The following NEB variants were observed in gnomAD, a reference collection of about 807,000 sequenced individuals.
NEB encodes the protein nemaline myopathy type 2.
NEB carries 512 observed loss-of-function variants against 952.2 expected under a neutral mutation model. The observed-to-expected ratio is 0.54, with a 90% CI of 0.50 to 0.58. The LOEUF (loss-of-function observed/expected upper bound fraction) is 0.58, where lower values mean the gene tolerates loss of function less well. Among genes scored for constraint, NEB ranks in the 20% least tolerant of loss-of-function variants. The probability of loss-of-function intolerance (pLI) is 0.00; values close to 1 mark genes in which losing one functional copy is unlikely to be tolerated. For synonymous variants in NEB, 2,900 were observed against 3,149.8 expected, an observed-to-expected ratio of 0.92 and a Z score of 2.66; for missense variants, 8,428 against 9,231.1, an observed-to-expected ratio of 0.91 and a Z score of 3.56.
intron 63 of NEB, among the ~76,000 whole-genome samples, chr2:151,638,670 C>A (rs777879255): frequency 2.0e-5 from 3 of 152,154 alleles, no homozygotes; most frequent in African/African-American, 7.2e-5. Flanking sequence ...GGGAGGGGTA[C>A]CTTTGCACTA....
At position 151,526,971 on chromosome 2, in the gene NEB, T is replaced by A. The variant is rs531618541; in HGVS notation, c.21892A>T (p.Thr7298Ser). The change falls in exon 148 of 182, where the codon ACT (threonine) becomes TCT (serine). Residue 7298 changes from threonine to serine, a missense_variant. By Grantham distance (58) the Thr-to-Ser change is moderately conservative. Transcript: ENST00000397345. ...GCGAGCACCGTGTTTTTGTCATCAG[T>A]GACAGAAAGCTTGCAACCCTTGAGG... ...EFLKGCKLSV[T>S]DDKNTVLALR... 142 of 1,604,736 alleles carry A rather than the reference T, an allele frequency of 8.8e-5. No individual in the cohort carries two copies. The highest frequency in any genetic ancestry group is 1.1e-4 in the Non-Finnish European group (134 of 1,175,016).
intron 88 of NEB, among the ~76,000 whole-genome samples, chr2:151,601,121 T>C (rs1409295731): frequency 4.7e-5 from 6 of 128,778 alleles, no homozygotes; most frequent in African/African-American, 1.9e-4. Context: ...TTTTTTTTTT[T>C]TTTTGAGACA....
At chr2:151,669,216 G>C (rs747691417) in intron 38 of NEB, 85 bp from the exon 39 acceptor site, 17 of 948,092 alleles carry the variant, frequency 1.8e-5, no homozygotes, top group South Asian at 1.2e-4. Flanking sequence ...AAAACGGAAG[G>C]CTATCATTTG....
At position 151,642,587 on chromosome 2, in the gene NEB, T is replaced by C. The variant is rs755252426; in HGVS notation, c.8360A>G (p.Asp2787Gly). 1.9e-6 allele frequency: 3 copies of C among 1,611,538 alleles called. No individual in the cohort carries two copies. Among genetic ancestry groups the C allele is most frequent in the African/African-American group, 2.7e-5 (2 of 74,870 alleles). ...AAGTATACTTACTTCACTTGCAATATCTCTGGAGGCCTTGGCTGCCTTGAT... is the reference window on the plus strand; with the variant it reads ...AAGTATACTTACTTCACTTGCAATACCTCTGGAGGCCTTGGCTGCCTTGAT... ...IPIKAAKASR[D>G]IASEFKYKEG... Residue 2787 changes from aspartate to glycine, a missense_variant, in exon 60 of 182, where the codon GAT becomes GGT. Around this residue, in one of 11 missense-constraint regions of NEB, gnomAD observed 1,772 missense variants for 1,960.3 expected, o/e 0.90. Coordinates refer to ENST00000397345, the MANE Select transcript of NEB (RefSeq NM_001164508.2).
chr2:151,641,752 TAG>T (rs1434083998), intron 60 of NEB, among the ~76,000 whole-genome samples: 1 of 152,222 alleles, frequency 6.6e-6, no homozygotes, highest in Non-Finnish European at 1.5e-5. Context: ...GAAAAAAATC[TAG>T]AGTTTTTTTT....
chr2:151,630,818 C>T lies in NEB; in HGVS notation c.9620G>A (p.Arg3207His), dbSNP rs111841612. ...AKNNALNMNK[R>H]LYTEAWDKDK... ...TTTGTCCCAGGCCTCTGTGTATAAA[C>T]GCTATAAAAGAAGATAAGATGCTGA... Residue 3207 changes from arginine (R) to histidine (H), a missense_variant and splice_region_variant, in exon 67 of 182, where the codon CGT becomes CAT. Arg to His is a conservative substitution (Grantham distance 29, BLOSUM62 0). Coordinates refer to ENST00000397345, the MANE Select transcript of NEB (RefSeq NM_001164508.2). 2.0e-4 allele frequency: 313 copies of T among 1,587,284 alleles called. 1 individual carries two copies. The Middle Eastern group carries it at 3.0e-3, about 15-fold the overall frequency.
intron 162 of NEB, 45 bp from the exon 163 acceptor site, chr2:151,507,058 T>G: frequency 8.4e-7 from 1 of 1,189,876 alleles, no homozygotes; most frequent in Non-Finnish European, 1.2e-6. Flanking sequence ...CAACATTGCT[T>G]TGTTTTCTTT....
rs2055606963 is a variant in NEB at position 151,490,574 on chromosome 2, A to G, written c.25151-56T>C. On this transcript the variant is annotated intron_variant, in intron 179 of 181. Transcript: ENST00000397345. Reference sequence around the variant, plus strand: ...CAAACATGAAATTTCTATGGTAGTAATGCCTAACAGTGATTGAATCTCAGT... The same window carrying G: ...CAAACATGAAATTTCTATGGTAGTAGTGCCTAACAGTGATTGAATCTCAGT... 13 of 1,569,234 alleles carry G rather than the reference A, an allele frequency of 8.3e-6. 1 individual carries two copies. In the South Asian group the frequency reaches 1.4e-4, roughly 17 times the overall value.
intron 142 of NEB, among the ~76,000 whole-genome samples, 159 bp downstream of exon 142, chr2:151,535,532 G>A (rs910817811): frequency 2.6e-5 from 4 of 152,120 alleles, no homozygotes; most frequent in Admixed American, 1.3e-4. Context: ...AGAGCTTGTT[G>A]GATGGTGACA....
chr2:151,557,350 A>AGG, intron 124 of NEB, among the ~76,000 whole-genome samples: 1 of 152,198 alleles, frequency 6.6e-6, no homozygotes, highest in Non-Finnish European at 1.5e-5. Context: ...GGCCAATAAC[A>AGG]AGTTCTGAAA....
intron 3 of NEB, among the ~76,000 whole-genome samples, chr2:151,730,325 T>C (rs186849982): frequency 1.5e-3 from 223 of 151,864 alleles, no homozygotes; most frequent in African/African-American, 5.1e-3. Flanking sequence ...TCACAAAGTG[T>C]GGGAAAGGTA....
At position 151,710,468 on chromosome 2, in the gene NEB, G is replaced by A; in HGVS notation, c.893C>T (p.Ala298Val). The A allele has an allele frequency of 1.2e-6, 2 of 1,612,272 alleles. No individual in the cohort carries two copies. Among genetic ancestry groups the A allele is most frequent in the Non-Finnish European group, 1.7e-6 (2 of 1,178,716 alleles). The change falls in exon 11 of 182, where the codon GCA becomes GTA. Residue 298 changes from alanine (A) to valine (V), a missense_variant. Physicochemically the swap from Ala to Val is moderately conservative, Grantham distance 64. Transcript: ENST00000397345. ...GTTATCAGCATTCATTCTGGCATTT[G>A]CAACTTCAAAGCAAGGTGTCTCACT... The part of the protein sequence containing the change: ...KWSETPCFEV[A>V]NARMNADNIS...
In NEB at chr2:151,697,353, A is replaced by G. The variant is rs747277167; in HGVS notation, c.1362T>C (p.Ser454=). 45 of 1,613,454 alleles carry G rather than the reference A, an allele frequency of 2.8e-5. 1 individual carries two copies. In the South Asian group the frequency reaches 4.8e-4, roughly 17 times the overall value. The stretch of plus-strand genomic sequence containing the variant: ...AAACAATTGTCTTAGAACTTACATC[A>G]CTGTTTTGAGCTGTGACTTTCATGC... The part of the protein sequence containing the change: ...SHCMKVTAQN[S]DKNYKAEYEE... Residue 454 remains serine, a synonymous_variant, in exon 15 of 182, where the codon AGT becomes AGC. Transcript: ENST00000397345.
rs1224322040 is a variant in NEB at position 151,485,419 on chromosome 2, AGC to A, written c.*339_*340del. On this transcript the variant is annotated 3_prime_UTR_variant, in exon 182 of 182. Transcript: ENST00000397345. ...CTTCAGAACTGAATTAGAAATAATA[AGC>A]ATTAGCAATCAGCAAGGAAAAGGTG... 1 of 182,502 alleles carries A rather than the reference AGC, an allele frequency of 5.5e-6. No individual in the cohort carries two copies. The highest frequency in any genetic ancestry group is 1.1e-5 in the Non-Finnish European group (1 of 88,214). The allele number at this position is 182,502 out of a possible 1,614,324, so 11.3% of individuals were successfully genotyped here.
intron 15 of NEB, 29 bp from the exon 16 acceptor site, chr2:151,697,281 T>A (rs1360484832): frequency 6.2e-7 from 1 of 1,609,218 alleles, no homozygotes; most frequent in Non-Finnish European, 8.5e-7. Context: ...AGGCATAAGA[T>A]GCAGCCATTG....
Position 151,696,731 on chromosome 2 carries a change from G to T in NEB, c.1475C>A (p.Thr492Asn). 6.2e-7 allele frequency: 1 copy of T among 1,613,286 alleles called. No homozygotes were observed. The highest frequency in any genetic ancestry group is 8.5e-7 in the Non-Finnish European group (1 of 1,179,318). ...TGTCTTATCTGGATGGACTTTGTAG[G>T]TGTGCTGTGGGGAAGCAAAGGCATT... ...IKKLDQCKDH[T>N]YKVHPDKTKF... The change falls in exon 17 of 182, where the codon ACC (threonine) becomes AAC (asparagine). Residue 492 changes from threonine (T) to asparagine (N), a missense_variant. Thr to Asn is a moderately conservative substitution (Grantham distance 65). Coordinates refer to ENST00000397345, the MANE Select transcript of NEB (RefSeq NM_001164508.2).
At chr2:151,555,478 T>C (rs2095592435) in intron 124 of NEB, among the ~76,000 whole-genome samples, 1 of 152,180 alleles carries the variant, frequency 6.6e-6, no homozygotes, top group African/African-American at 2.4e-5. Context: ...AACTGAAAAG[T>C]CTGCTGCTAA....
chr2:151,669,287 AT>A (rs1434523755), intron 38 of NEB, among the ~76,000 whole-genome samples, 156 bp from the exon 39 acceptor site: 1 of 152,134 alleles, frequency 6.6e-6, no homozygotes, highest in African/African-American at 2.4e-5. Flanking sequence ...TGGTAGATGC[AT>A]TTATGTTCCC....
At chr2:151,538,761 G>T (rs566701444) in intron 138 of NEB, among the ~76,000 whole-genome samples, 1 of 152,242 alleles carries the variant, frequency 6.6e-6, no homozygotes, top group South Asian at 2.1e-4. Context: ...TCACTAAGCA[G>T]TCTTAAAACT....
Sources: allele counts gnomAD v4.1 joint callset (sites outside exome capture counted in the v4.1 genomes callset), GRCh38; gene constraint gnomAD v4.1.1; regional missense constraint gnomAD v4.1.1; transcripts MANE v1.5; gene names NCBI Gene and HGNC (gene_info 2026-07-23, HGNC 2026-07-21).